SFMBT2: variants seen among roughly 807,000 people sequenced by gnomAD.
SFMBT2 encodes the protein scm-like with four MBT domains protein 2.
A neutral mutation model predicts 110.1 loss-of-function variants in SFMBT2; 38 were observed. That is an observed-to-expected ratio of 0.35 (90% CI 0.27 to 0.45). The LOEUF is 0.45. Ranked by LOEUF, SFMBT2 falls within the 20% of genes least tolerant of loss-of-function variation. The pLI, the probability that SFMBT2 is intolerant of heterozygous loss-of-function variation, is 1.00. For missense variants in SFMBT2, 1,011 were observed against 1,094.9 expected (o/e 0.92, Z 1.08); for synonymous variants, 425 against 425.4 (o/e 1.00, Z 0.01).
intron 9 of SFMBT2, among the ~76,000 whole-genome samples, chr10:7,229,599 A>C (rs1479892790): frequency 2.0e-5 from 3 of 151,028 alleles, no homozygotes; most frequent in African/African-American, 7.3e-5. Context: ...CATCTCAAAA[A>C]AAAAAAAAAA....
At chr10:7,213,223 G>A (rs1204143574) in intron 11 of SFMBT2, among the ~76,000 whole-genome samples, 1 of 144,988 alleles carries the variant, frequency 6.9e-6, no homozygotes. Flanking sequence ...TTCTGCACAC[G>A]TATCCCAGAA....
intron 11 of SFMBT2, 138 bp downstream of exon 11, chr10:7,220,273 A>G: frequency 1.5e-6 from 1 of 657,570 alleles, no homozygotes; most frequent in Non-Finnish European, 2.6e-6. Flanking sequence ...CTGATTTAAG[A>G]ACACGGAATA....
intron 4 of SFMBT2, among the ~76,000 whole-genome samples, chr10:7,308,802 A>G (rs991252310): frequency 2.0e-5 from 3 of 152,198 alleles, no homozygotes; most frequent in African/African-American, 7.2e-5. Context: ...CCAGTTACAC[A>G]TGAACTCTCT....
chr10:7,363,618 T>C (rs1347291797), intron 4 of SFMBT2, among the ~76,000 whole-genome samples: 3 of 152,168 alleles, frequency 2.0e-5, no homozygotes, highest in Non-Finnish European at 2.9e-5. Flanking sequence ...AGTGCTGTGA[T>C]TACAGGCGTG....
intron 4 of SFMBT2, among the ~76,000 whole-genome samples, chr10:7,344,308 G>C (rs959219799): frequency 2.6e-5 from 4 of 152,172 alleles, no homozygotes; most frequent in Non-Finnish European, 5.9e-5. Context: ...CATGTGTCAA[G>C]GGTGGGGCCA....
intron 2 of SFMBT2, among the ~76,000 whole-genome samples, chr10:7,371,804 T>C (rs983487597): frequency 1.3e-5 from 2 of 152,148 alleles, no homozygotes; most frequent in South Asian, 2.1e-4. Flanking sequence ...AATACTGCTT[T>C]CCATCTTGTG....
At chr10:7,179,408 A>C (rs940664864) in intron 16 of SFMBT2, among the ~76,000 whole-genome samples, 14 of 151,240 alleles carry the variant, frequency 9.3e-5, no homozygotes, top group African/African-American at 2.9e-4. Flanking sequence ...AAAAAAAAAA[A>C]AAAAAAAACA....
chr10:7,253,405 TCAGA>T (rs1202911143), intron 7 of SFMBT2, among the ~76,000 whole-genome samples: 2 of 152,176 alleles, frequency 1.3e-5, no homozygotes, highest in Admixed American at 6.5e-5. Context: ...TGCACTGCTT[TCAGA>T]CAGTGTCAGA....
At chr10:7,355,281 A>C (rs1288177148) in intron 4 of SFMBT2, among the ~76,000 whole-genome samples, 2 of 152,160 alleles carry the variant, frequency 1.3e-5, no homozygotes, top group African/African-American at 2.4e-5. Context: ...AAATTAGTGA[A>C]TATCAAACAT....
intron 9 of SFMBT2, among the ~76,000 whole-genome samples, chr10:7,235,391 T>C (rs1430788532): frequency 1.3e-5 from 2 of 152,026 alleles, no homozygotes; most frequent in African/African-American, 2.4e-5. Context: ...ACTAACCAAC[T>C]TGAGGGAGGG....
chr10:7,399,090 A>C (rs1368717534), intron 1 of SFMBT2, among the ~76,000 whole-genome samples: 1 of 152,198 alleles, frequency 6.6e-6, no homozygotes, highest in African/African-American at 2.4e-5. Context: ...ACCAATAACG[A>C]AGAGATGAAG....
At chr10:7,251,537 G>A (rs577336786) in intron 7 of SFMBT2, among the ~76,000 whole-genome samples, 7 of 152,272 alleles carry the variant, frequency 4.6e-5, no homozygotes, top group African/African-American at 1.2e-4. Flanking sequence ...AATGAGTCCC[G>A]ATCACAGCTT....
intron 4 of SFMBT2, among the ~76,000 whole-genome samples, chr10:7,315,108 GAAAAAGCA>G (rs1327449207): frequency 0.014 from 1,807 of 132,838 alleles, 21 homozygotes; most frequent in Non-Finnish European, 0.02. Context: ...AAGAAAGAAA[GAAAAAGCA>G]AGCAAGCAAG....
At chr10:7,329,425 C>T in intron 4 of SFMBT2, 1 of 985,182 alleles carries the variant, frequency 1.0e-6, no homozygotes, top group Non-Finnish European at 1.2e-6. Flanking sequence ...GTGCTAAAGA[C>T]ATCCCCACAA....
chr10:7,404,395 G>A (rs2132129406), intron 1 of SFMBT2, among the ~76,000 whole-genome samples: 1 of 152,316 alleles, frequency 6.6e-6, no homozygotes, highest in East Asian at 1.9e-4. Flanking sequence ...AGAAAGCAGG[G>A]AAGGCATACC....
chr10:7,386,926 C>T (rs528809419), intron 1 of SFMBT2, among the ~76,000 whole-genome samples: 30 of 152,270 alleles, frequency 2.0e-4, no homozygotes, highest in African/African-American at 5.5e-4. Flanking sequence ...ATCACAGAGC[C>T]GCTAGTGGTG....
chr10:7,172,603 G>T lies in SFMBT2; in HGVS notation c.2043C>A (p.Pro681=), dbSNP rs150723358. 6.9e-5 allele frequency: 112 copies of T among 1,614,206 alleles called. 1 individual carries two copies. In the Admixed American group the frequency reaches 1.4e-3, roughly 20 times the overall value. ...TGGCGGGTTTGGGGTGTCCGCTGTC[G>T]GGGTTGCTTTCCCCGATGGGGGGCT... ...ISKPPIGESN[P]DSGHPKPARR... Residue 681 remains proline (P), a synonymous_variant, in exon 18 of 21, where the codon CCC becomes CCA. Transcript: ENST00000397167. This position sits in a 1 kb window ranked among gnomAD's most constrained non-coding sequence, Gnocchi z 4.6.
intron 4 of SFMBT2, among the ~76,000 whole-genome samples, chr10:7,298,982 G>A (rs548247984): frequency 8.5e-5 from 13 of 152,252 alleles, no homozygotes; most frequent in South Asian, 4.1e-4. Context: ...AGGCCAAGGC[G>A]GGTGGATTAC....
intron 15 of SFMBT2, among the ~76,000 whole-genome samples, chr10:7,190,631 C>A (rs1323708816): frequency 6.6e-6 from 1 of 152,178 alleles, no homozygotes; most frequent in African/African-American, 2.4e-5. Context: ...ATTATAGTTA[C>A]CTAATGAAAA....
Sources: allele counts gnomAD v4.1 joint callset (sites outside exome capture counted in the v4.1 genomes callset), GRCh38; gene constraint gnomAD v4.1.1; non-coding constraint Gnocchi (gnomAD v3.1); transcripts MANE v1.5; gene names NCBI Gene and HGNC (gene_info 2026-07-23, HGNC 2026-07-21).